Variants in GSDME observed in about 807,000 individuals in gnomAD.
The protein encoded by GSDME is gasdermin-E.
Under a neutral mutation model 47.5 loss-of-function variants are expected in GSDME, and 44 were observed. The observed-to-expected ratio is 0.93, with a 90% CI of 0.73 to 1.19. The LOEUF (loss-of-function observed/expected upper bound fraction) is 1.19, where lower values mean the gene tolerates loss of function less well. Among genes scored for constraint, GSDME ranks in the 50% most tolerant of loss-of-function variants. The probability of loss-of-function intolerance (pLI) is 0.00; values close to 1 mark genes in which losing one functional copy is unlikely to be tolerated. For synonymous variants in GSDME, 258 were observed against 252.8 expected, an observed-to-expected ratio of 1.02 and a Z score of -0.20; for missense variants, 663 against 604.2, an observed-to-expected ratio of 1.10 and a Z score of -1.02.
chr7:24,743,662 C>T (rs1339840860), intron 3 of GSDME, among the ~76,000 whole-genome samples: 1 of 152,206 alleles, frequency 6.6e-6, no homozygotes, highest in Non-Finnish European at 1.5e-5. Flanking sequence ...ACTCTCCTTT[C>T]CTGCCCTCCC....
the GSDME span, among the ~76,000 whole-genome samples, chr7:24,774,762 A>T: frequency 2.4e-4 from 37 of 151,892 alleles, no homozygotes; most frequent in African/African-American, 8.2e-4. Context: ...TGAACTCCTG[A>T]CCTCATGATT....
At chr7:24,753,332 G>C (rs1790915111) in intron 1 of GSDME, among the ~76,000 whole-genome samples, 1 of 152,214 alleles carries the variant, frequency 6.6e-6, no homozygotes, top group African/African-American at 2.4e-5. Context: ...GTTAAAAGGA[G>C]TCTGAACACT....
In GSDME at chr7:24,726,895, A is replaced by G. The variant is rs1051034715; in HGVS notation, c.405-7677T>C. 2.6e-5 allele frequency among the ~76,000 whole-genome samples: 4 copies of G among 151,636 alleles called. No homozygotes were observed. The highest frequency in any genetic ancestry group is 2.0e-4 in the Admixed American group (3 of 15,238). On this transcript the variant is annotated intron_variant, in intron 3 of 9. Transcript: ENST00000645220. The surrounding 1 kb of genome is among the most constrained non-coding windows in gnomAD (Gnocchi z 5.6). ...GGTAAGGCTCTCCAAACCCCAGGGG[A>G]CATCATGACAGAGCAGGAGCTTTTG...
chr7:24,721,144 C>G lies in GSDME; in HGVS notation c.405-1926G>C, dbSNP rs1277265642. 6.6e-6 allele frequency among the ~76,000 whole-genome samples: 1 copy of G among 152,142 alleles called. No individual in the cohort carries two copies. The highest frequency in any genetic ancestry group is 1.5e-5 in the Non-Finnish European group (1 of 68,024). ...TCCTAGTTGAGGTGACGAAGAAGTT[C>G]TAGAAATGCAGAGTAGAGATGACGG... On this transcript the variant is annotated intron_variant, in intron 3 of 9. Coordinates refer to ENST00000645220, the MANE Select transcript of GSDME (RefSeq NM_001127453.2). The surrounding 1 kb of genome is among the most constrained non-coding windows in gnomAD (Gnocchi z 4.1).
Position 24,732,371 on chromosome 7 carries a change from A to G in GSDME, c.404+12191T>C, listed in dbSNP as rs1584088250. Reference sequence around the variant, plus strand: ...CTAAATGTTAAAGGACCAGGAGCAGAGCAAGATGGGTGAATGGAAGCCTCC... The same window carrying G: ...CTAAATGTTAAAGGACCAGGAGCAGGGCAAGATGGGTGAATGGAAGCCTCC... On this transcript the variant is annotated intron_variant, in intron 3 of 9. Coordinates refer to ENST00000645220, the MANE Select transcript of GSDME (RefSeq NM_001127453.2). This position sits in a 1 kb window ranked among gnomAD's most constrained non-coding sequence, Gnocchi z 4.8. Among the ~76,000 whole-genome samples, 3 of 152,336 alleles carry G rather than the reference A, an allele frequency of 2.0e-5. No individual in the cohort carries two copies. In the East Asian group the frequency reaches 5.8e-4, roughly 29 times the overall value.
rs1302696157 is a variant in GSDME, at chr7:24,754,662, A to T, written c.-20+2734T>A. 6.6e-6 allele frequency among the ~76,000 whole-genome samples: 1 copy of T among 152,208 alleles called. No homozygotes were observed. The highest frequency in any genetic ancestry group is 6.5e-5 in the Admixed American group (1 of 15,292). ...CCAAGAAAGCAGGACAATGACACAAAGTTAGCAAAGCACACAGCCAACTGG... is the reference window on the plus strand; with the variant it reads ...CCAAGAAAGCAGGACAATGACACAATGTTAGCAAAGCACACAGCCAACTGG... On this transcript the variant is annotated intron_variant, in intron 1 of 9. Transcript: ENST00000645220. The surrounding 1 kb of genome is among the most constrained non-coding windows in gnomAD (Gnocchi z 5.0).
the GSDME span, among the ~76,000 whole-genome samples, chr7:24,774,616 T>C: frequency 6.6e-6 from 1 of 152,112 alleles, no homozygotes; most frequent in African/African-American, 2.4e-5. Context: ...CACTGCAACC[T>C]CTGCCTCCCA....
chr7:24,770,651 A>C, the GSDME span, among the ~76,000 whole-genome samples: 1 of 152,218 alleles, frequency 6.6e-6, no homozygotes, highest in Non-Finnish European at 1.5e-5. This position sits in a 1 kb window ranked among gnomAD's most constrained non-coding sequence, Gnocchi z 4.6. Flanking sequence ...GGTTGGTGCC[A>C]GAAATCACCC....
At chr7:24,720,547 C>T (rs1352875177) in intron 3 of GSDME, among the ~76,000 whole-genome samples, 3 of 152,162 alleles carry the variant, frequency 2.0e-5, no homozygotes, top group Non-Finnish European at 2.9e-5. Flanking sequence ...AAACAACTCA[C>T]GTGTCCATCA....
intron 1 of GSDME, among the ~76,000 whole-genome samples, chr7:24,753,574 TAGG>T (rs1321630898): frequency 5.3e-5 from 8 of 152,220 alleles, no homozygotes; most frequent in Admixed American, 3.9e-4. Context: ...TCTGTAATTG[TAGG>T]AGTTGTGCTA....
intron 3 of GSDME, among the ~76,000 whole-genome samples, chr7:24,734,076 A>G (rs1790225616): frequency 6.6e-6 from 1 of 152,192 alleles, no homozygotes; most frequent in Admixed American, 6.5e-5. Context: ...CAGACAGCTT[A>G]GCATAGAGAG....
chr7:24,709,525 T>C (rs183186091), intron 6 of GSDME, among the ~76,000 whole-genome samples: 4 of 152,330 alleles, frequency 2.6e-5, no homozygotes. Flanking sequence ...TCACCAGGGC[T>C]TCTGTGCTTA....
intron 3 of GSDME, among the ~76,000 whole-genome samples, chr7:24,729,183 C>T (rs1348777509): frequency 2.6e-5 from 4 of 152,318 alleles, no homozygotes; most frequent in East Asian, 1.9e-4. Flanking sequence ...ATAAACCAAA[C>T]GCAGCTGATG....
chr7:24,770,476 C>T, the GSDME span, among the ~76,000 whole-genome samples: 5,545 of 152,172 alleles, frequency 0.036, 355 homozygotes, highest in African/African-American at 0.13. The surrounding 1 kb of genome is among the most constrained non-coding windows in gnomAD (Gnocchi z 4.6). Flanking sequence ...ACATTTGCAG[C>T]CCGGTTACAC....
At chr7:24,718,993 C>A in intron 4 of GSDME, 54 bp downstream of exon 4, 2 of 1,603,590 alleles carry the variant, frequency 1.2e-6, no homozygotes, top group Non-Finnish European at 1.7e-6. Context: ...GGCCCCCAAC[C>A]AAGGTCTCCA....
In GSDME at chr7:24,722,718, T is replaced by A. The variant is rs565082564; in HGVS notation, c.405-3500A>T. Among the ~76,000 whole-genome samples, 35 of 152,254 alleles carry A rather than the reference T, an allele frequency of 2.3e-4. No individual in the cohort carries two copies. The South Asian group carries it at 6.8e-3, about 30-fold the overall frequency. Reference sequence around the variant, plus strand: ...GTGAAATTGTTTGAAAAGAAAAAGCTCAGCCTAGACTACTCAAGACTCCAC... The same window carrying A: ...GTGAAATTGTTTGAAAAGAAAAAGCACAGCCTAGACTACTCAAGACTCCAC... On this transcript the variant is annotated intron_variant, in intron 3 of 9. Coordinates refer to ENST00000645220, the MANE Select transcript of GSDME (RefSeq NM_001127453.2).
chr7:24,775,321 A>G, the GSDME span, among the ~76,000 whole-genome samples: 1 of 152,208 alleles, frequency 6.6e-6, no homozygotes, highest in Non-Finnish European at 1.5e-5. Flanking sequence ...CTGCTAGTTA[A>G]TTTTTTGATA....
intron 9 of GSDME, among the ~76,000 whole-genome samples, chr7:24,702,259 T>C (rs950531990): frequency 1.3e-5 from 2 of 152,204 alleles, no homozygotes; most frequent in Non-Finnish European, 2.9e-5. Flanking sequence ...TAACTCATGC[T>C]CTTAGAATGA....
At chr7:24,780,440 A>G in the GSDME span, among the ~76,000 whole-genome samples, 6 of 152,242 alleles carry the variant, frequency 3.9e-5, no homozygotes, top group Non-Finnish European at 7.3e-5. This position sits in a 1 kb window ranked among gnomAD's most constrained non-coding sequence, Gnocchi z 4.1. Context: ...TTAGTTGAGC[A>G]TAACCAAGAA....
Sources: gnomAD v4.1 joint callset for allele counts (sites outside exome capture counted in the v4.1 genomes callset) on GRCh38, gnomAD v4.1.1 for gene constraint, Gnocchi (gnomAD v3.1) non-coding constraint, MANE v1.5 for transcripts, NCBI Gene and HGNC (gene_info 2026-07-23, HGNC 2026-07-21) for gene names.